The following USP3 variants were observed in gnomAD, a reference collection of about 807,000 sequenced individuals.
USP3 encodes the protein ubiquitin carboxyl-terminal hydrolase 3.
USP3 carries 20 observed loss-of-function variants against 72.3 expected under a neutral mutation model. That is an observed-to-expected ratio of 0.28 (90% CI 0.19 to 0.40). The LOEUF (loss-of-function observed/expected upper bound fraction) is 0.40, where lower values mean the gene tolerates loss of function less well. Among genes scored for constraint, USP3 ranks in the 10% least tolerant of loss-of-function variants. The pLI is 1.00. For missense variants in USP3, 479 were observed against 633.9 expected (o/e 0.76, Z 2.62); for synonymous variants, 222 against 225.3 (o/e 0.99, Z 0.13).
At chr15:63,554,570 C>T (rs1418531095) in intron 4 of USP3, among the ~76,000 whole-genome samples, 1 of 152,148 alleles carries the variant, frequency 6.6e-6, no homozygotes, top group African/African-American at 2.4e-5. Context: ...TTTATTTTGG[C>T]AGTTGATGTG....
intron 3 of USP3, chr15:63,551,410 TTAAAA>T (rs1171112550): frequency 1.3e-5 from 2 of 151,672 alleles, no homozygotes; most frequent in Non-Finnish European, 2.9e-5. Flanking sequence ...TATAAAATAA[TTAAAA>T]TAAGTATTTT....
chr15:63,505,486 G>T (rs2065700655), intron 1 of USP3, among the ~76,000 whole-genome samples: 1 of 152,242 alleles, frequency 6.6e-6, no homozygotes, highest in Non-Finnish European at 1.5e-5. Flanking sequence ...GAGAAGCTCG[G>T]AGGCTGAGCC....
At chr15:63,577,391 C>G (rs1482289480) in intron 11 of USP3, among the ~76,000 whole-genome samples, 1 of 152,202 alleles carries the variant, frequency 6.6e-6, no homozygotes, top group Non-Finnish European at 1.5e-5. Flanking sequence ...CTTTGGAAGG[C>G]TAAGGTGGGA....
intron 3 of USP3, among the ~76,000 whole-genome samples, chr15:63,552,343 C>T (rs923376093): frequency 5.3e-5 from 8 of 152,182 alleles, no homozygotes; most frequent in Non-Finnish European, 1.0e-4. Context: ...ATCTTATCCT[C>T]TTAATATTTA....
chr15:63,506,334 A>G (rs190301885), intron 1 of USP3, among the ~76,000 whole-genome samples: 1 of 150,456 alleles, frequency 6.6e-6, no homozygotes, highest in African/African-American at 2.5e-5. Context: ...TGGTGCTATA[A>G]TTGTAACTTA....
intron 5 of USP3, among the ~76,000 whole-genome samples, chr15:63,557,756 T>C (rs2066537774): frequency 6.6e-6 from 1 of 152,240 alleles, no homozygotes; most frequent in African/African-American, 2.4e-5. Context: ...TTTCCATTTC[T>C]CTTAGTTTTT....
At chr15:63,532,575 C>A in intron 1 of USP3, 72 bp from the exon 2 acceptor site, 1 of 1,567,850 alleles carries the variant, frequency 6.4e-7, no homozygotes, top group Middle Eastern at 1.7e-4. Flanking sequence ...ATAACTTAAT[C>A]ACAGGAAAAT....
chr15:63,586,168 G>A (rs138271051), intron 11 of USP3, among the ~76,000 whole-genome samples: 1 of 152,258 alleles, frequency 6.6e-6, no homozygotes, highest in African/African-American at 2.4e-5. Context: ...CATTTTGGAT[G>A]CTTTTTTCTT....
chr15:63,585,397 T>G (rs1176391247), intron 11 of USP3, among the ~76,000 whole-genome samples: 3 of 152,210 alleles, frequency 2.0e-5, no homozygotes, highest in Non-Finnish European at 4.4e-5. Context: ...AGCAATGTTT[T>G]GTAGTTTTCA....
intron 3 of USP3, among the ~76,000 whole-genome samples, chr15:63,551,108 A>G (rs999725445): frequency 1.3e-5 from 2 of 152,214 alleles, no homozygotes; most frequent in African/African-American, 4.8e-5. Context: ...GATTTCACTG[A>G]TTGTGACTAA....
Position 63,591,306 on chromosome 15 carries a change from C to T in USP3, c.*480C>T, listed in dbSNP as rs1595785549. Reference sequence around the variant, plus strand: ...AATACTTGTGGCCCACAAAATTTCACAATGACTGCTGAGGAATCATTCTTT... The same window carrying T: ...AATACTTGTGGCCCACAAAATTTCATAATGACTGCTGAGGAATCATTCTTT... On this transcript the variant is annotated 3_prime_UTR_variant, in exon 15 of 15. Coordinates refer to ENST00000380324, the MANE Select transcript of USP3 (RefSeq NM_006537.4). 1 of 152,956 alleles carries T rather than the reference C, an allele frequency of 6.5e-6. No individual in the cohort carries two copies. The highest frequency in any genetic ancestry group is 1.5e-5 in the Non-Finnish European group (1 of 68,596). The allele number at this position is 152,956 out of a possible 1,614,324, so 9.5% of individuals were successfully genotyped here.
At chr15:63,525,657 A>C (rs1001288811) in intron 1 of USP3, among the ~76,000 whole-genome samples, 5 of 152,230 alleles carry the variant, frequency 3.3e-5, no homozygotes, top group Admixed American at 3.3e-4. Context: ...AAATTTCAGC[A>C]TAGAATAGGC....
At position 63,544,500 on chromosome 15, in the gene USP3, G is replaced by C. The variant is rs554168720; in HGVS notation, c.284+7344G>C. On this transcript the variant is annotated intron_variant, in intron 3 of 14. Coordinates refer to ENST00000380324, the MANE Select transcript of USP3 (RefSeq NM_006537.4). This position sits in a 1 kb window ranked among gnomAD's most constrained non-coding sequence, Gnocchi z 4.2. ...GTGTTTTGTCTTTTAGAATTAGAGG[G>C]GGCAAGTAGTGCAGGGCAAAAACAG... 1.1e-5 allele frequency: 6 copies of C among 542,762 alleles called. No individual in the cohort carries two copies. The South Asian group carries it at 1.5e-4, about 14-fold the overall frequency. The allele number at this position is 542,762 out of a possible 1,614,324, so 33.6% of individuals were successfully genotyped here.
intron 8 of USP3, among the ~76,000 whole-genome samples, chr15:63,566,700 T>A (rs2066697073): frequency 1.3e-5 from 2 of 152,234 alleles, no homozygotes; most frequent in Admixed American, 1.3e-4. Flanking sequence ...GCTATTGATA[T>A]TTGATATTTA....
intron 3 of USP3, among the ~76,000 whole-genome samples, chr15:63,538,258 T>C (rs540900900): frequency 6.6e-6 from 1 of 152,344 alleles, no homozygotes; most frequent in South Asian, 2.1e-4. Flanking sequence ...ATTCTTGTTT[T>C]AATCAGCTTT....
chr15:63,549,206 CGTGAAGTTTT>C (rs2066400828), intron 3 of USP3, among the ~76,000 whole-genome samples: 1 of 152,048 alleles, frequency 6.6e-6, no homozygotes, highest in African/African-American at 2.4e-5. Context: ...CATCTCAACT[CGTGAAGTTTT>C]GATAAAAAAT....
At chr15:63,539,280 T>C (rs895133595) in intron 3 of USP3, among the ~76,000 whole-genome samples, 8 of 152,190 alleles carry the variant, frequency 5.3e-5, no homozygotes, top group African/African-American at 1.9e-4. Flanking sequence ...CATCATCCTA[T>C]AGTACCAGAT....
Position 63,574,436 on chromosome 15 carries a change from T to C in USP3, c.1096+33T>C. On this transcript the variant is annotated intron_variant, in intron 11 of 14. Transcript: ENST00000380324. This position sits in a 1 kb window ranked among gnomAD's most constrained non-coding sequence, Gnocchi z 4.6. ...TACTTGAATGTTCTAAAAATTTTTT[T>C]CTTTAAATAATTGAATAGATTGATA... 1 of 1,536,008 alleles carries C rather than the reference T, an allele frequency of 6.5e-7. No homozygotes were observed. The highest frequency in any genetic ancestry group is 8.8e-7 in the Non-Finnish European group (1 of 1,132,240).
intron 1 of USP3, among the ~76,000 whole-genome samples, chr15:63,513,051 T>TAC (rs1255891458): frequency 1.8e-4 from 28 of 152,256 alleles, no homozygotes; most frequent in Non-Finnish European, 1.2e-4. Flanking sequence ...GGAGACTTTG[T>TAC]ACTCTGCTTT....
Sources: allele counts gnomAD v4.1 joint callset (sites outside exome capture counted in the v4.1 genomes callset), GRCh38; gene constraint gnomAD v4.1.1; non-coding constraint Gnocchi (gnomAD v3.1); transcripts MANE v1.5; gene names NCBI Gene and HGNC (gene_info 2026-07-23, HGNC 2026-07-21).